The following CGNL1 variants were observed in gnomAD, a reference collection of about 807,000 sequenced individuals.
CGNL1 encodes the protein cingulin-like protein 1.
A neutral mutation model predicts 141.2 loss-of-function variants in CGNL1; 132 were observed. The observed-to-expected ratio is 0.93, with a 90% CI of 0.81 to 1.08. CGNL1 has a LOEUF of 1.08. Ranked by LOEUF, CGNL1 falls within the 50% of genes least tolerant of loss-of-function variation. The pLI, the probability that CGNL1 is intolerant of heterozygous loss-of-function variation, is 0.00. For synonymous variants in CGNL1, 690 were observed against 622.1 expected, an observed-to-expected ratio of 1.11 and a Z score of -1.63; for missense variants, 1,870 against 1,588.6, an observed-to-expected ratio of 1.18 and a Z score of -3.01.
At chr15:57,433,035 C>A (rs2063063071) in intron 1 of CGNL1, among the ~76,000 whole-genome samples, 1 of 150,410 alleles carries the variant, frequency 6.6e-6, no homozygotes, top group African/African-American at 2.5e-5. Context: ...AAGTCAGTGT[C>A]AGCATAAGAA....
In CGNL1 at chr15:57,481,163, T is replaced by TA. The variant is rs554664674; in HGVS notation, c.2403+19280dup. On this transcript the variant is annotated intron_variant, in intron 8 of 18. Coordinates refer to ENST00000281282, the MANE Select transcript of CGNL1 (RefSeq NM_032866.5). Reference sequence around the variant, plus strand: ...ATAGTTATAAATTTATATGCAATTGTAAAAAAAAATACAGCTAGATGCCAT... The same window carrying TA: ...ATAGTTATAAATTTATATGCAATTGTAAAAAAAAAATACAGCTAGATGCCAT... 1.8e-3 allele frequency among the ~76,000 whole-genome samples: 262 copies of TA among 149,046 alleles called. 2 individuals carry two copies. Among genetic ancestry groups the TA allele is most frequent in the African/African-American group, 5.1e-3 (207 of 40,560 alleles).
chr15:57,547,369 C>G lies in CGNL1; in HGVS notation c.3788C>G (p.Pro1263Arg). The G allele has an allele frequency of 6.2e-7, 1 of 1,614,088 alleles. No homozygotes were observed. The highest frequency in any genetic ancestry group is 8.5e-7 in the Non-Finnish European group (1 of 1,179,978). Residue 1263 changes from proline to arginine, a missense_variant, in exon 19 of 19, where the codon CCG becomes CGG. Transcript: ENST00000281282. The part of the protein sequence containing the change: ...MKKDLRLKKL[P>R]SKVLDDMDDD... The stretch of plus-strand genomic sequence containing the variant: ...CATTTCAGCAGACTGAAGAAGCTGC[C>G]GAGTAAAGTGCTGGATGACATGGAT...
intron 14 of CGNL1, among the ~76,000 whole-genome samples, chr15:57,533,008 C>T (rs1203192369): frequency 6.6e-6 from 1 of 152,172 alleles, no homozygotes; most frequent in Non-Finnish European, 1.5e-5. Context: ...TTGGAAGTTC[C>T]AGAGCTTGGG....
chr15:57,544,946 G>A (rs1274809368), intron 16 of CGNL1, among the ~76,000 whole-genome samples: 2 of 152,184 alleles, frequency 1.3e-5, no homozygotes, highest in Admixed American at 6.5e-5. Flanking sequence ...CACGTTAGAG[G>A]CCAGAAGGCT....
At chr15:57,509,745 G>C (rs1209191167) in intron 8 of CGNL1, among the ~76,000 whole-genome samples, 2 of 152,222 alleles carry the variant, frequency 1.3e-5, no homozygotes, top group Non-Finnish European at 2.9e-5. Context: ...TTGCATATGT[G>C]TGATACAATT....
chr15:57,467,017 G>A lies in CGNL1; in HGVS notation c.2403+5125G>A, dbSNP rs77837513. On this transcript the variant is annotated intron_variant, in intron 8 of 18. Transcript: ENST00000281282. ...GATGAGGGAGAAGAGGAGGGAGGTT[G>A]AAGACATGTGAGATACTCTTGCCAT... Among the ~76,000 whole-genome samples the A allele has an allele frequency of 4.9e-3, 742 of 152,262 alleles. 6 individuals carry two copies. The highest frequency in any genetic ancestry group is 0.017 in the African/African-American group (705 of 41,532).
chr15:57,455,815 A>C (rs2063372455), intron 7 of CGNL1, among the ~76,000 whole-genome samples: 1 of 152,200 alleles, frequency 6.6e-6, no homozygotes, highest in Admixed American at 6.5e-5. Flanking sequence ...GGATAACGAT[A>C]TGAGACTGTT....
In CGNL1 at chr15:57,547,499, C is replaced by A; in HGVS notation, c.*9C>A. ...TCGCCAGCCAGATCTGAGTGCTCTCCCGGGCTGTGGAAGTACCTGTCATTC... is the reference window on the plus strand; with the variant it reads ...TCGCCAGCCAGATCTGAGTGCTCTCACGGGCTGTGGAAGTACCTGTCATTC... On this transcript the variant is annotated 3_prime_UTR_variant, in exon 19 of 19. Transcript: ENST00000281282. The A allele has an allele frequency of 6.2e-7, 1 of 1,611,344 alleles. No homozygotes were observed.
At chr15:57,493,577 T>C (rs2063896515) in intron 8 of CGNL1, among the ~76,000 whole-genome samples, 1 of 152,232 alleles carries the variant, frequency 6.6e-6, no homozygotes, top group South Asian at 2.1e-4. Flanking sequence ...ACATGATATC[T>C]GCTGTTTCTT....
intron 1 of CGNL1, among the ~76,000 whole-genome samples, chr15:57,437,619 C>CAAAAAA (rs540499763): frequency 0.021 from 762 of 35,878 alleles, 65 homozygotes; most frequent in Non-Finnish European, 0.03. Context: ...AACTAAACAG[C>CAAAAAA]AAAAAAAAAA....
chr15:57,510,661 A>G (rs184165257), intron 8 of CGNL1, among the ~76,000 whole-genome samples: 217 of 152,308 alleles, frequency 1.4e-3, no homozygotes, highest in African/African-American at 5.0e-3. Context: ...TTCATTTATA[A>G]TGGAAAAACC....
chr15:57,455,353 T>C (rs769026683), intron 7 of CGNL1, among the ~76,000 whole-genome samples: 1 of 152,216 alleles, frequency 6.6e-6, no homozygotes, highest in African/African-American at 2.4e-5. Context: ...TAAAACATTG[T>C]CATATTCTTG....
chr15:57,410,528 C>T (rs1368098479), intron 1 of CGNL1, among the ~76,000 whole-genome samples: 1 of 152,122 alleles, frequency 6.6e-6, no homozygotes, highest in Non-Finnish European at 1.5e-5. Flanking sequence ...TGGAAGCTTT[C>T]CCATCACCAC....
intron 15 of CGNL1, among the ~76,000 whole-genome samples, chr15:57,544,158 C>T (rs777504451): frequency 3.9e-5 from 6 of 152,194 alleles, no homozygotes; most frequent in Non-Finnish European, 8.8e-5. Flanking sequence ...GAGCCTATTT[C>T]TCCTGTCCCC....
rs376703525 is a variant in CGNL1 at position 57,524,725 on chromosome 15, C to T, written c.3013C>T (p.Leu1005=). 6.2e-7 allele frequency: 1 copy of T among 1,614,068 alleles called. No homozygotes were observed. The highest frequency in any genetic ancestry group is 1.3e-5 in the African/African-American group (1 of 74,936). Residue 1005 remains leucine, a synonymous_variant, in exon 12 of 19, where the codon CTG becomes TTG. Coordinates refer to ENST00000281282, the MANE Select transcript of CGNL1 (RefSeq NM_032866.5). ...AACGCTGGAGGCAGAAAAGTCCCGA[C>T]TGACAGCCATGAAAATGCAGGATGA... ...EKTLEAEKSR[L]TAMKMQDEMR...
intron 8 of CGNL1, among the ~76,000 whole-genome samples, chr15:57,473,042 A>G (rs540488368): frequency 2.6e-5 from 4 of 152,238 alleles, no homozygotes; most frequent in Admixed American, 6.5e-5. Context: ...CAAAGGAGCT[A>G]TGGCTACTCA....
chr15:57,399,072 A>AT (rs1301992133), intron 1 of CGNL1, among the ~76,000 whole-genome samples: 4 of 152,242 alleles, frequency 2.6e-5, no homozygotes, highest in African/African-American at 7.2e-5. Flanking sequence ...GATTGGCTAA[A>AT]TTATGATATA....
intron 15 of CGNL1, among the ~76,000 whole-genome samples, chr15:57,544,167 C>G (rs1413097520): frequency 2.0e-5 from 3 of 152,196 alleles, no homozygotes; most frequent in Non-Finnish European, 4.4e-5. Context: ...TCTCCTGTCC[C>G]CCTGTAGGTT....
intron 12 of CGNL1, chr15:57,527,831 G>C (rs1423679424): frequency 6.6e-6 from 1 of 152,222 alleles, no homozygotes; most frequent in African/African-American, 2.4e-5. Context: ...TAATTCAGTT[G>C]TGTGTTCTTT....
Sources: gnomAD v4.1 joint callset for allele counts (sites outside exome capture counted in the v4.1 genomes callset) on GRCh38, gnomAD v4.1.1 for gene constraint, MANE v1.5 for transcripts, NCBI Gene and HGNC (gene_info 2026-07-23, HGNC 2026-07-21) for gene names.